PTPRN2: variants seen among roughly 807,000 people sequenced by gnomAD.
The protein encoded by PTPRN2 is protein tyrosine phosphatase receptor type N2, also known as receptor-type tyrosine-protein phosphatase N2.
PTPRN2 carries 74 observed loss-of-function variants against 118.8 expected under a neutral mutation model. The ratio of observed to expected loss-of-function variants is 0.62; its 90% CI spans 0.52 to 0.76. The LOEUF is 0.76. Ranked by LOEUF, PTPRN2 falls within the 30% of genes least tolerant of loss-of-function variation. PTPRN2 has a pLI of 0.00. For missense variants in PTPRN2, 1,481 were observed against 1,394.4 expected, an observed-to-expected ratio of 1.06 and a Z score of -0.99; for synonymous variants, 641 against 608.0, an observed-to-expected ratio of 1.05 and a Z score of -0.80.
chr7:158,340,853 C>G (rs1363530367), intron 2 of PTPRN2, among the ~76,000 whole-genome samples: 8 of 91,676 alleles, frequency 8.7e-5, no homozygotes, highest in African/African-American at 1.6e-4. Flanking sequence ...AGAGCTGACA[C>G]ATGCAGACGT....
intron 6 of PTPRN2, among the ~76,000 whole-genome samples, chr7:158,158,166 T>G (rs1822003056): frequency 2.0e-5 from 3 of 152,314 alleles, no homozygotes; most frequent in Admixed American, 2.0e-4. Flanking sequence ...AGGCAGCAGG[T>G]GCTTCCTTTC....
intron 12 of PTPRN2, among the ~76,000 whole-genome samples, chr7:157,698,552 T>G (rs1797920230): frequency 6.6e-6 from 1 of 152,216 alleles, no homozygotes; most frequent in African/African-American, 2.4e-5. Context: ...TTCCCCAAAC[T>G]TCAAAGTTAT....
chr7:157,665,361 A>G (rs933458701), intron 13 of PTPRN2, among the ~76,000 whole-genome samples: 8 of 152,244 alleles, frequency 5.3e-5, no homozygotes, highest in African/African-American at 1.9e-4. Flanking sequence ...CTCAATAACC[A>G]ACAGGTAATT....
At position 157,903,945 on chromosome 7, in the gene PTPRN2, C is replaced by T. The variant is rs927453843; in HGVS notation, c.1724-5208G>A. 2.6e-5 allele frequency among the ~76,000 whole-genome samples: 4 copies of T among 152,300 alleles called. No individual in the cohort carries two copies. The highest frequency in any genetic ancestry group is 2.1e-4 in the South Asian group (1 of 4,824). On this transcript the variant is annotated intron_variant, in intron 11 of 22. Coordinates refer to ENST00000389418, the MANE Select transcript of PTPRN2 (RefSeq NM_002847.5). The surrounding 1 kb of genome is among the most constrained non-coding windows in gnomAD (Gnocchi z 4.2). Reference sequence around the variant, plus strand: ...GGCCCAGGTCTCAGCACACAGCAAGCGACTAATCCATGTGCCCTCGTGACA... The same window carrying T: ...GGCCCAGGTCTCAGCACACAGCAAGTGACTAATCCATGTGCCCTCGTGACA...
chr7:157,771,761 A>C (rs1292735781), intron 12 of PTPRN2, among the ~76,000 whole-genome samples: 1 of 149,662 alleles, frequency 6.7e-6, no homozygotes, highest in Non-Finnish European at 1.5e-5. Flanking sequence ...ACACAAACAG[A>C]CACACATGCA....
intron 12 of PTPRN2, among the ~76,000 whole-genome samples, chr7:157,859,645 C>CG (rs1810044462): frequency 2.6e-5 from 1 of 38,736 alleles, no homozygotes; most frequent in Non-Finnish European, 4.8e-5. Flanking sequence ...GGGAGAGCCC[C>CG]GTCACCACCC....
intron 12 of PTPRN2, among the ~76,000 whole-genome samples, chr7:157,811,234 A>G (rs1262875147): frequency 1.3e-5 from 2 of 150,250 alleles, no homozygotes; most frequent in African/African-American, 2.5e-5. Flanking sequence ...TCGCACCACT[A>G]TACCCCAGCC....
chr7:157,567,862 G>A (rs1271511948), intron 21 of PTPRN2, among the ~76,000 whole-genome samples: 4 of 152,248 alleles, frequency 2.6e-5, no homozygotes, highest in South Asian at 4.1e-4. Flanking sequence ...TGTCGGAGGC[G>A]CCAACTGAAG....
At chr7:158,248,191 G>GGC (rs1796380908) in intron 3 of PTPRN2, among the ~76,000 whole-genome samples, 1 of 152,160 alleles carries the variant, frequency 6.6e-6, no homozygotes, top group South Asian at 2.1e-4. Flanking sequence ...TCCAGGAGCG[G>GGC]CCCCACCCCT....
intron 1 of PTPRN2, among the ~76,000 whole-genome samples, chr7:158,521,040 C>T (rs557955626): frequency 9.8e-5 from 15 of 152,374 alleles, no homozygotes; most frequent in African/African-American, 3.4e-4. Context: ...GTGCTGCAGC[C>T]AGGACCTTAT....
intron 11 of PTPRN2, among the ~76,000 whole-genome samples, chr7:157,973,856 G>A (rs538005546): frequency 1.1e-4 from 17 of 152,314 alleles, no homozygotes; most frequent in Non-Finnish European, 2.2e-4. Context: ...TCTTTCTTCC[G>A]TTAGGGTGGA....
At chr7:158,190,796 C>G (rs1374727681) in intron 5 of PTPRN2, among the ~76,000 whole-genome samples, 2 of 152,280 alleles carry the variant, frequency 1.3e-5, no homozygotes, top group African/African-American at 4.8e-5. Flanking sequence ...GGGCCAGCAT[C>G]AGGGCTCTGT....
chr7:157,665,451 T>C (rs2366646), intron 13 of PTPRN2, among the ~76,000 whole-genome samples: 58,154 of 151,810 alleles, frequency 0.38, 12,146 homozygotes, highest in Non-Finnish European at 0.49. Flanking sequence ...CGGCGGCACT[T>C]GCGAATTCCC....
At chr7:158,204,487 G>GA (rs1826964532) in intron 4 of PTPRN2, among the ~76,000 whole-genome samples, 2 of 152,170 alleles carry the variant, frequency 1.3e-5, no homozygotes, top group African/African-American at 4.8e-5. Flanking sequence ...GTCTGTCAGG[G>GA]AAAAATGAAC....
Position 157,576,634 on chromosome 7 carries a change from CTTGAG to C in PTPRN2, c.2757_2761del (p.Ser920ValfsTer26). 6.2e-7 allele frequency: 1 copy of C among 1,612,506 alleles called. No homozygotes were observed. The highest frequency in any genetic ancestry group is 8.5e-7 in the Non-Finnish European group (1 of 1,179,332). On this transcript the variant is annotated frameshift_variant, in exon 19 of 23. Transcript: ENST00000389418. LOFTEE classifies it high-confidence loss of function. ...ATACCTGCGGAAGTCCAGGAGGGAC[CTTGAG>C]GAGGAAGGGACTCCTCGGTCATACC...
chr7:157,692,937 G>C (rs1563351931), intron 12 of PTPRN2, among the ~76,000 whole-genome samples: 1 of 152,038 alleles, frequency 6.6e-6, no homozygotes. Context: ...GGACCTTCTC[G>C]GGCAAAGAGT....
At chr7:158,020,534 G>A (rs1806795333) in intron 11 of PTPRN2, among the ~76,000 whole-genome samples, 1 of 152,206 alleles carries the variant, frequency 6.6e-6, no homozygotes, top group South Asian at 2.1e-4. Context: ...GGGCTTGATA[G>A]TGGGTGCGGA....
At chr7:157,839,161 G>A (rs1808189912) in intron 12 of PTPRN2, among the ~76,000 whole-genome samples, 5 of 152,256 alleles carry the variant, frequency 3.3e-5, no homozygotes, top group Admixed American at 3.3e-4. Context: ...CTTATATTTG[G>A]CACAAGACAG....
intron 12 of PTPRN2, among the ~76,000 whole-genome samples, chr7:157,789,289 C>T (rs369883820): frequency 1.1e-4 from 16 of 152,330 alleles, no homozygotes; most frequent in Non-Finnish European, 1.5e-4. Context: ...GCTCCCCGCC[C>T]GGTGCCGCTG....
Sources: gnomAD v4.1 joint callset for allele counts (sites outside exome capture counted in the v4.1 genomes callset) on GRCh38, gnomAD v4.1.1 for gene constraint, Gnocchi (gnomAD v3.1) non-coding constraint, MANE v1.5 for transcripts, NCBI Gene and HGNC (gene_info 2026-07-23, HGNC 2026-07-21) for gene names.